CNOT6L: variants seen among roughly 807,000 people sequenced by gnomAD.
The protein encoded by CNOT6L is CCR4-NOT transcription complex subunit 6 like, also known as CCR4-NOT transcription complex subunit 6-like.
Under a neutral mutation model 64.0 loss-of-function variants are expected in CNOT6L, and 7 were observed. The ratio of observed to expected loss-of-function variants is 0.11; its 90% CI spans 0.06 to 0.21. The LOEUF is 0.21. CNOT6L is among the 10% of genes least tolerant of loss of function. The probability of loss-of-function intolerance (pLI) is 1.00; values close to 1 mark genes in which losing one functional copy is unlikely to be tolerated. For missense variants in CNOT6L, 245 were observed against 669.0 expected (o/e 0.37, Z 6.99); for synonymous variants, 193 against 243.4 (o/e 0.79, Z 1.93).
At chr4:77,721,650 T>C (rs1212926776) in intron 11 of CNOT6L, among the ~76,000 whole-genome samples, 3 of 152,164 alleles carry the variant, frequency 2.0e-5, no homozygotes, top group African/African-American at 7.2e-5. Context: ...ATTTGACCAA[T>C]ATCAAAACAC....
intron 1 of CNOT6L, among the ~76,000 whole-genome samples, chr4:77,782,339 T>C (rs1728955566): frequency 6.6e-6 from 1 of 152,066 alleles, no homozygotes; most frequent in Non-Finnish European, 1.5e-5. Flanking sequence ...TCTTTTTTGT[T>C]GTTGTTGTTT....
rs1727134774 is a variant in CNOT6L, at chr4:77,768,479, ATATATATATATATAT to A, written c.400+4587_400+4601del. On this transcript the variant is annotated intron_variant, in intron 4 of 11. Coordinates refer to ENST00000504123, the MANE Select transcript of CNOT6L (RefSeq NM_144571.3). ...GACTCTGTCTAAAATAAATAAATAT[ATATATATATATATAT>A]ATATATATATATATATATATATTCT... Among the ~76,000 whole-genome samples the A allele has an allele frequency of 4.5e-3, 17 of 3,782 alleles. 1 individual carries two copies. Among genetic ancestry groups the A allele is most frequent in the Non-Finnish European group, 0.015 (16 of 1,090 alleles). 2.5% of individuals were successfully genotyped at this position (3,782 alleles called of 152,430 possible).
chr4:77,794,761 GA>G (rs1278554270), intron 1 of CNOT6L, among the ~76,000 whole-genome samples: 1 of 152,114 alleles, frequency 6.6e-6, no homozygotes, highest in Non-Finnish European at 1.5e-5. Context: ...CCAGACACCA[GA>G]AGTTCTAGCC....
intron 1 of CNOT6L, among the ~76,000 whole-genome samples, chr4:77,780,433 A>G (rs894059133): frequency 1.3e-5 from 2 of 152,214 alleles, no homozygotes; most frequent in African/African-American, 4.8e-5. Context: ...TTACATAACA[A>G]AGCCTGTTAG....
At chr4:77,747,872 T>TTATC (rs1195433696) in intron 6 of CNOT6L, among the ~76,000 whole-genome samples, 11 of 152,236 alleles carry the variant, frequency 7.2e-5, no homozygotes, top group African/African-American at 2.2e-4. Flanking sequence ...TCCATAAATG[T>TTATC]TATCTATCTC....
chr4:77,787,515 C>T (rs990453001), intron 1 of CNOT6L, among the ~76,000 whole-genome samples: 10 of 152,216 alleles, frequency 6.6e-5, no homozygotes, highest in Middle Eastern at 3.4e-3. Flanking sequence ...TATAGCATGG[C>T]GTTTCAATGT....
intron 1 of CNOT6L, among the ~76,000 whole-genome samples, chr4:77,799,532 C>T (rs951182916): frequency 2.0e-5 from 3 of 151,864 alleles, no homozygotes; most frequent in Non-Finnish European, 2.9e-5. Flanking sequence ...TGGTGAAACC[C>T]CGTTTCTACT....
intron 1 of CNOT6L, among the ~76,000 whole-genome samples, chr4:77,797,258 C>T (rs890062103): frequency 2.6e-5 from 4 of 151,826 alleles, no homozygotes; most frequent in Non-Finnish European, 5.9e-5. Flanking sequence ...AACACAGTAG[C>T]CCCCCATCTC....
intron 6 of CNOT6L, among the ~76,000 whole-genome samples, chr4:77,745,936 G>C (rs1724148343): frequency 6.6e-6 from 1 of 152,140 alleles, no homozygotes; most frequent in Non-Finnish European, 1.5e-5. Flanking sequence ...TCCCCTGGGG[G>C]GTCTGACTGG....
intron 10 of CNOT6L, among the ~76,000 whole-genome samples, chr4:77,728,113 C>T (rs1039386742): frequency 2.0e-5 from 3 of 152,136 alleles, no homozygotes; most frequent in African/African-American, 7.2e-5. Flanking sequence ...GATAAAAGTT[C>T]AGACATAAAG....
chr4:77,760,094 C>T (rs1726027488), intron 4 of CNOT6L, among the ~76,000 whole-genome samples: 3 of 152,056 alleles, frequency 2.0e-5, no homozygotes, highest in South Asian at 2.1e-4. Flanking sequence ...TTAATTGGTC[C>T]GGGCATGGTG....
intron 10 of CNOT6L, among the ~76,000 whole-genome samples, chr4:77,727,338 G>A (rs990881096): frequency 9.2e-5 from 14 of 151,970 alleles, no homozygotes; most frequent in Admixed American, 5.9e-4. Context: ...CGAGGTGGGC[G>A]GATCCAGCAC....
intron 1 of CNOT6L, among the ~76,000 whole-genome samples, chr4:77,813,389 C>A (rs1164243587): frequency 6.6e-6 from 1 of 151,998 alleles, no homozygotes; most frequent in Non-Finnish European, 1.5e-5. Flanking sequence ...AGATACGACA[C>A]CAAAAGCACA....
rs961131134 is a variant in CNOT6L, at chr4:77,726,471, G to C, written c.1253-102C>G. ...AGGTTAATCCACCAGGCTCAGAGTGGTCTTCTTAGGTTGAGCCATATAAAA... is the reference window on the plus strand; with the variant it reads ...AGGTTAATCCACCAGGCTCAGAGTGCTCTTCTTAGGTTGAGCCATATAAAA... On this transcript the variant is annotated intron_variant, in intron 10 of 11. Coordinates refer to ENST00000504123, the MANE Select transcript of CNOT6L (RefSeq NM_144571.3). The C allele has an allele frequency of 1.2e-4, 102 of 851,778 alleles. 1 individual carries two copies. The highest frequency in any genetic ancestry group is 5.0e-4 in the Admixed American group (17 of 34,250). 52.8% of individuals were successfully genotyped at this position (851,778 alleles called of 1,614,324 possible). A position where few individuals can be genotyped will look rare whatever the true frequency, so the allele number is the denominator to read the frequency against.
intron 1 of CNOT6L, among the ~76,000 whole-genome samples, chr4:77,806,148 G>A (rs777054232): frequency 4.6e-5 from 7 of 152,080 alleles, no homozygotes; most frequent in East Asian, 1.9e-4. Flanking sequence ...ACTTCAGGCC[G>A]GGCACAGTGA....
At chr4:77,743,718 C>T (rs931479854) in intron 7 of CNOT6L, among the ~76,000 whole-genome samples, 1 of 149,432 alleles carries the variant, frequency 6.7e-6, no homozygotes, top group African/African-American at 2.5e-5. Context: ...TCTCATGCCT[C>T]AGGCTCCCAA....
intron 1 of CNOT6L, among the ~76,000 whole-genome samples, chr4:77,805,885 G>A (rs1483549590): frequency 6.6e-6 from 1 of 152,156 alleles, no homozygotes; most frequent in African/African-American, 2.4e-5. Flanking sequence ...CATAAAGTAA[G>A]CAGAGCCCAA....
At chr4:77,784,472 A>G (rs1729218206) in intron 1 of CNOT6L, among the ~76,000 whole-genome samples, 1 of 150,406 alleles carries the variant, frequency 6.6e-6, no homozygotes, top group East Asian at 1.9e-4. Context: ...AATGCCTCCT[A>G]CTCATCTAAA....
intron 1 of CNOT6L, among the ~76,000 whole-genome samples, chr4:77,789,110 A>C (rs1277650947): frequency 6.6e-6 from 1 of 152,186 alleles, no homozygotes. Flanking sequence ...GATGGACTTT[A>C]GGCCAAAACA....
Sources: gnomAD v4.1 joint callset for allele counts (sites outside exome capture counted in the v4.1 genomes callset) on GRCh38, gnomAD v4.1.1 for gene constraint, MANE v1.5 for transcripts, NCBI Gene and HGNC (gene_info 2026-07-23, HGNC 2026-07-21) for gene names.